Variants in CECR2 observed in about 807,000 individuals in gnomAD.
CECR2 encodes the protein CECR2 histone acetyl-lysine reader, also known as chromatin remodeling regulator CECR2.
In CECR2, 30 loss-of-function variants were observed where a neutral mutation model predicts 154.5. The observed-to-expected ratio is 0.19, with a 90% CI of 0.15 to 0.26. CECR2 has a LOEUF of 0.26. Among genes scored for constraint, CECR2 ranks in the 10% least tolerant of loss-of-function variants. CECR2 has a pLI of 1.00. For synonymous variants in CECR2, 725 were observed against 683.7 expected, an observed-to-expected ratio of 1.06 and a Z score of -0.94; for missense variants, 1,743 against 1,829.3, an observed-to-expected ratio of 0.95 and a Z score of 0.86.
chr22:17,382,161 A>G (rs894608682), intron 1 of CECR2, among the ~76,000 whole-genome samples: 4 of 151,582 alleles, frequency 2.6e-5, no homozygotes, highest in Admixed American at 6.6e-5. Flanking sequence ...AAGTGCTGGG[A>G]TTACAGGCGT....
chr22:17,476,804 A>G (rs576360994), intron 1 of CECR2, among the ~76,000 whole-genome samples: 19 of 152,190 alleles, frequency 1.2e-4, no homozygotes, highest in Admixed American at 3.3e-4. Flanking sequence ...TGGCCTAGAA[A>G]ACATTCTGTC....
Position 17,546,732 on chromosome 22 carries a change from A to C in CECR2, c.2861-1416A>C, listed in dbSNP as rs550443820. Among the ~76,000 whole-genome samples the C allele has an allele frequency of 1.6e-4, 25 of 151,956 alleles. No homozygotes were observed. In the South Asian group the frequency reaches 5.2e-3, roughly 32 times the overall value. On this transcript the variant is annotated intron_variant, in intron 16 of 18. Transcript: ENST00000262608. The stretch of plus-strand genomic sequence containing the variant: ...ATCACACCTGGACAACTGTCCTCCT[A>C]GAAAGATAATAAAAAGATTATTTTG...
chr22:17,420,156 C>T (rs2054224024), intron 1 of CECR2, among the ~76,000 whole-genome samples: 1 of 152,166 alleles, frequency 6.6e-6, no homozygotes, highest in African/African-American at 2.4e-5. Context: ...GAATGGAACC[C>T]TTGCTATATT....
intron 1 of CECR2, among the ~76,000 whole-genome samples, chr22:17,432,997 C>T (rs1418516797): frequency 2.6e-5 from 4 of 152,200 alleles, no homozygotes; most frequent in African/African-American, 7.2e-5. Flanking sequence ...TTTCCTGGTA[C>T]ATTTCTAAGC....
chr22:17,370,876 T>C (rs749823902), intron 1 of CECR2, among the ~76,000 whole-genome samples: 2 of 152,340 alleles, frequency 1.3e-5, no homozygotes, highest in Non-Finnish European at 2.9e-5. Context: ...AATTGCCTTC[T>C]CTTCTATGGC....
At chr22:17,361,005 A>AC in intron 1 of CECR2, among the ~76,000 whole-genome samples, 1 of 152,118 alleles carries the variant, frequency 6.6e-6, no homozygotes, top group Non-Finnish European at 1.5e-5. Flanking sequence ...TCTACAAAAA[A>AC]TAAAAAAATT....
At position 17,557,682 on chromosome 22, in the gene CECR2, G is replaced by GC; in HGVS notation, c.*4843dup. On this transcript the variant is annotated 3_prime_UTR_variant, in exon 19 of 19. Transcript: ENST00000262608. Reference sequence around the variant, plus strand: ...GTTGACAGGGGTGGGTGGGGTGGGAGCAGGGGTATGGATATTGCATAAGTT... The same window carrying GC: ...GTTGACAGGGGTGGGTGGGGTGGGAGCCAGGGGTATGGATATTGCATAAGTT... 2 of 152,082 alleles carry GC rather than the reference G, an allele frequency of 1.3e-5. No individual in the cohort carries two copies. The highest frequency in any genetic ancestry group is 4.2e-4 in the South Asian group (2 of 4,814). 9.4% of individuals were successfully genotyped at this position (152,082 alleles called of 1,614,324 possible).
chr22:17,505,314 A>G (rs536125500), intron 7 of CECR2, among the ~76,000 whole-genome samples: 5 of 151,398 alleles, frequency 3.3e-5, no homozygotes, highest in African/African-American at 1.2e-4. Flanking sequence ...CTCAGGAAAC[A>G]TTCCTTGAGT....
At chr22:17,503,380 C>A (rs2055775897) in intron 6 of CECR2, among the ~76,000 whole-genome samples, 1 of 152,180 alleles carries the variant, frequency 6.6e-6, no homozygotes, top group South Asian at 2.1e-4. Flanking sequence ...GTGTAATAGA[C>A]ACCTTAACGT....
intron 9 of CECR2, among the ~76,000 whole-genome samples, chr22:17,534,221 G>A (rs2056402600): frequency 6.6e-6 from 1 of 152,082 alleles, no homozygotes; most frequent in South Asian, 2.1e-4. Flanking sequence ...AGCCACTCAG[G>A]AGTCTGATGT....
chr22:17,434,699 T>A lies in CECR2; in HGVS notation c.127-42889T>A, dbSNP rs191650114. ...GTCACTCCTGTCTTGTTTTATGTTCTGTTTGTGTGTATTTTCTTGAGCACT... is the reference window on the plus strand; with the variant it reads ...GTCACTCCTGTCTTGTTTTATGTTCAGTTTGTGTGTATTTTCTTGAGCACT... On this transcript the variant is annotated intron_variant, in intron 1 of 18. Coordinates refer to ENST00000262608, the MANE Select transcript of CECR2 (RefSeq NM_001290047.2). Among the ~76,000 whole-genome samples the A allele has an allele frequency of 4.2e-3, 627 of 149,894 alleles. 3 individuals carry two copies. The highest frequency in any genetic ancestry group is 0.014 in the African/African-American group (593 of 41,046).
In CECR2 at chr22:17,542,479, G is replaced by C; in HGVS notation, c.2336G>C (p.Gly779Ala). The change falls in exon 16 of 19, where the codon GGT becomes GCT. Residue 779 changes from glycine to alanine, a missense_variant. Transcript: ENST00000262608. Reference sequence around the variant, plus strand: ...TCTGCCGTCTGGAATGGGAACCATGGTGCTACGAACCAAGGACCCTTGGGC... The same window carrying C: ...TCTGCCGTCTGGAATGGGAACCATGCTGCTACGAACCAAGGACCCTTGGGC... ...VHSAVWNGNH[G>A]ATNQGPLGPD... 2 of 1,613,968 alleles carry C rather than the reference G, an allele frequency of 1.2e-6. No individual in the cohort carries two copies.
At chr22:17,444,799 T>C (rs1383052782) in intron 1 of CECR2, among the ~76,000 whole-genome samples, 7 of 152,178 alleles carry the variant, frequency 4.6e-5, no homozygotes, top group African/African-American at 1.2e-4. Flanking sequence ...CTACTCAAAA[T>C]CAAAGGGTTA....
chr22:17,466,183 C>G (rs1238016223), intron 1 of CECR2, among the ~76,000 whole-genome samples: 3 of 152,160 alleles, frequency 2.0e-5, no homozygotes, highest in Admixed American at 6.5e-5. Flanking sequence ...AACTCCTGGT[C>G]TCCCAAAGTG....
At chr22:17,361,903 A>G (rs529842508) in intron 1 of CECR2, among the ~76,000 whole-genome samples, 130 of 152,276 alleles carry the variant, frequency 8.5e-4, no homozygotes, top group African/African-American at 2.6e-3. Context: ...TAGCAGCCCT[A>G]TAGGCTCTTC....
intron 1 of CECR2, among the ~76,000 whole-genome samples, chr22:17,363,592 C>T (rs1041583248): frequency 6.6e-6 from 1 of 152,144 alleles, no homozygotes; most frequent in African/African-American, 2.4e-5. Flanking sequence ...ATCTGCCTGC[C>T]TTGGCCTCCC....
intron 16 of CECR2, among the ~76,000 whole-genome samples, chr22:17,543,385 C>T (rs542152348): frequency 2.8e-3 from 419 of 151,964 alleles, no homozygotes; most frequent in African/African-American, 9.3e-3. Flanking sequence ...CTGCCCCCGT[C>T]GGCCTCCCAA....
chr22:17,484,184 C>T (rs575961192), intron 2 of CECR2, among the ~76,000 whole-genome samples: 4 of 152,172 alleles, frequency 2.6e-5, no homozygotes, highest in Non-Finnish European at 4.4e-5. Context: ...TTAAGCAATG[C>T]GTGGCTATTT....
chr22:17,487,049 G>A (rs764155402), intron 2 of CECR2, among the ~76,000 whole-genome samples: 4 of 152,184 alleles, frequency 2.6e-5, no homozygotes, highest in Admixed American at 2.0e-4. Flanking sequence ...TTTTCAGCTC[G>A]ATGGTGAAAT....
Sources: gnomAD v4.1 joint callset for allele counts (sites outside exome capture counted in the v4.1 genomes callset) on GRCh38, gnomAD v4.1.1 for gene constraint, MANE v1.5 for transcripts, NCBI Gene and HGNC (gene_info 2026-07-23, HGNC 2026-07-21) for gene names.